The following COG5 variants were observed in gnomAD, a reference collection of about 807,000 sequenced individuals.
COG5 encodes the protein conserved oligomeric Golgi complex subunit 5.
A neutral mutation model predicts 110.4 loss-of-function variants in COG5; 86 were observed. The observed-to-expected ratio is 0.78, with a 90% CI of 0.65 to 0.93. COG5 has a LOEUF of 0.93. Ranked by LOEUF, COG5 falls within the 40% of genes least tolerant of loss-of-function variation. COG5 has a pLI of 0.00. For missense variants in COG5, 1,077 were observed against 987.0 expected (o/e 1.09, Z -1.22); for synonymous variants, 360 against 334.6 (o/e 1.08, Z -0.83).
chr7:107,484,922 G>A (rs1797568366), intron 6 of COG5, among the ~76,000 whole-genome samples: 1 of 151,960 alleles, frequency 6.6e-6, no homozygotes, highest in Admixed American at 6.6e-5. Context: ...AAAGAGGAGG[G>A]TAGTACCTCC....
intron 18 of COG5, among the ~76,000 whole-genome samples, chr7:107,233,768 G>A (rs1584551115): frequency 6.6e-6 from 1 of 152,182 alleles, no homozygotes; most frequent in East Asian, 1.9e-4. Context: ...CAGTTGAAAA[G>A]CCCTCTAGTC....
At chr7:107,294,925 A>C (rs868450580) in intron 12 of COG5, among the ~76,000 whole-genome samples, 1 of 96,462 alleles carries the variant, frequency 1.0e-5, no homozygotes, top group South Asian at 3.9e-4. Context: ...GTGTGTGTGT[A>C]TATATACACA....
At chr7:107,546,183 C>T (rs372630310) in intron 5 of COG5, among the ~76,000 whole-genome samples, 3 of 152,176 alleles carry the variant, frequency 2.0e-5, no homozygotes, top group Middle Eastern at 3.4e-3. Context: ...AGACAAATGA[C>T]ACAACATACC....
chr7:107,298,557 T>A (rs1372380619), intron 11 of COG5, among the ~76,000 whole-genome samples: 1 of 152,074 alleles, frequency 6.6e-6, no homozygotes, highest in South Asian at 2.1e-4. Flanking sequence ...TGAAACCTAA[T>A]CTATATTTAA....
rs931355113 is a variant in COG5, at chr7:107,401,074, C to T, written c.669+11428G>A. ...GTTTAGGCTTTGCACACTACGTATGCTGTTTGTTTTTGCTTTTTTCCAACC... is the reference window on the plus strand; with the variant it reads ...GTTTAGGCTTTGCACACTACGTATGTTGTTTGTTTTTGCTTTTTTCCAACC... On this transcript the variant is annotated intron_variant, in intron 7 of 21. Coordinates refer to ENST00000297135, the MANE Select transcript of COG5 (RefSeq NM_006348.5). Among the ~76,000 whole-genome samples the T allele has an allele frequency of 1.3e-5, 2 of 152,046 alleles. 1 individual carries two copies. Among genetic ancestry groups the T allele is most frequent in the South Asian group, 4.1e-4 (2 of 4,824 alleles).
At chr7:107,381,980 G>A (rs1033512176) in intron 7 of COG5, among the ~76,000 whole-genome samples, 2 of 152,190 alleles carry the variant, frequency 1.3e-5, no homozygotes, top group East Asian at 1.9e-4. Flanking sequence ...GTTTGCATCA[G>A]TGCAACAAGA....
chr7:107,303,799 A>T (rs1256826833), intron 11 of COG5, among the ~76,000 whole-genome samples: 1 of 152,172 alleles, frequency 6.6e-6, no homozygotes, highest in African/African-American at 2.4e-5. Flanking sequence ...CATATTACCT[A>T]TACAATTTTA....
intron 16 of COG5, among the ~76,000 whole-genome samples, chr7:107,250,629 C>T (rs1165405250): frequency 6.6e-6 from 1 of 151,528 alleles, no homozygotes; most frequent in Non-Finnish European, 1.5e-5. Context: ...CTCAATGAGG[C>T]AAGGAAAAAT....
At chr7:107,367,556 T>C (rs773898515) in intron 8 of COG5, among the ~76,000 whole-genome samples, 1 of 149,680 alleles carries the variant, frequency 6.7e-6, no homozygotes. Flanking sequence ...AAAGAAACTG[T>C]TGTGTATATA....
At chr7:107,409,879 C>T (rs560918466) in intron 7 of COG5, among the ~76,000 whole-genome samples, 1 of 152,210 alleles carries the variant, frequency 6.6e-6, no homozygotes, top group African/African-American at 2.4e-5. Flanking sequence ...TGGAGGTTTA[C>T]AGTGAATAAA....
At chr7:107,521,476 CA>C (rs1800315392) in intron 6 of COG5, among the ~76,000 whole-genome samples, 1 of 152,110 alleles carries the variant, frequency 6.6e-6, no homozygotes, top group Non-Finnish European at 1.5e-5. Flanking sequence ...ACAAAGTGGG[CA>C]AAGGTTATGA....
intron 1 of COG5, among the ~76,000 whole-genome samples, chr7:107,563,084 G>A (rs1190056562): frequency 6.6e-6 from 1 of 152,162 alleles, no homozygotes. Context: ...TATTCTGAAG[G>A]ATAAGAGATT....
At chr7:107,485,176 C>T (rs1046608339) in intron 6 of COG5, among the ~76,000 whole-genome samples, 6 of 152,146 alleles carry the variant, frequency 3.9e-5, no homozygotes, top group Admixed American at 2.6e-4. Flanking sequence ...AGAGCTGAAG[C>T]GAAGACTAAA....
In COG5 at chr7:107,513,493, T is replaced by C. The variant is rs567398718; in HGVS notation, c.538+13744A>G. 5.5e-3 allele frequency among the ~76,000 whole-genome samples: 838 copies of C among 152,332 alleles called. 8 individuals carry two copies. The highest frequency in any genetic ancestry group is 0.019 in the African/African-American group (807 of 41,566). ...ACCATTGTGCAAGTCAGTGTGGCGATTCCTCAGGGATCTAGAACTAGAAAT... is the reference window on the plus strand; with the variant it reads ...ACCATTGTGCAAGTCAGTGTGGCGACTCCTCAGGGATCTAGAACTAGAAAT... On this transcript the variant is annotated intron_variant, in intron 6 of 21. Coordinates refer to ENST00000297135, the MANE Select transcript of COG5 (RefSeq NM_006348.5).
At chr7:107,408,696 T>C (rs571134349) in intron 7 of COG5, among the ~76,000 whole-genome samples, 64 of 152,290 alleles carry the variant, frequency 4.2e-4, no homozygotes, top group African/African-American at 1.3e-3. Context: ...TGGTGTATAG[T>C]CCCTAGCATT....
At chr7:107,324,395 A>G in intron 11 of COG5, 45 bp downstream of exon 11, 1 of 1,228,584 alleles carries the variant, frequency 8.1e-7, no homozygotes, top group Non-Finnish European at 1.2e-6. Context: ...TGATAAAATA[A>G]CTTAAAACTT....
chr7:107,434,260 C>A (rs1468242564), intron 6 of COG5, among the ~76,000 whole-genome samples: 3 of 152,112 alleles, frequency 2.0e-5, no homozygotes, highest in Non-Finnish European at 4.4e-5. Context: ...ACCATATAGA[C>A]CTTCCTGGAA....
chr7:107,318,219 G>A (rs941340184), intron 11 of COG5, among the ~76,000 whole-genome samples: 1 of 151,934 alleles, frequency 6.6e-6, no homozygotes, highest in African/African-American at 2.4e-5. Flanking sequence ...GAAGAGACAG[G>A]GTTTCACCAT....
intron 5 of COG5, among the ~76,000 whole-genome samples, chr7:107,528,643 T>C (rs1800951838): frequency 6.6e-6 from 1 of 152,128 alleles, no homozygotes; most frequent in African/African-American, 2.4e-5. Flanking sequence ...TCAGTAGTGA[T>C]TACAAAGGAA....
Sources: allele counts gnomAD v4.1 joint callset (sites outside exome capture counted in the v4.1 genomes callset), GRCh38; gene constraint gnomAD v4.1.1; transcripts MANE v1.5; gene names NCBI Gene and HGNC (gene_info 2026-07-23, HGNC 2026-07-21).